CRK: variants seen among roughly 807,000 people sequenced by gnomAD.
The protein encoded by CRK is adapter molecule crk.
In CRK, 4 loss-of-function variants were observed where a neutral mutation model predicts 29.8. The observed-to-expected ratio is 0.13, with a 90% CI of 0.07 to 0.31. The LOEUF is 0.31. CRK is among the 10% of genes least tolerant of loss of function. The pLI, the probability that CRK is intolerant of heterozygous loss-of-function variation, is 1.00. For synonymous variants in CRK, 153 were observed against 164.9 expected, an observed-to-expected ratio of 0.93 and a Z score of 0.55; for missense variants, 274 against 396.5, an observed-to-expected ratio of 0.69 and a Z score of 2.62.
Position 1,455,910 on chromosome 17 carries a change from G to A in CRK, c.208C>T (p.Pro70Ser), listed in dbSNP as rs2074053090. The part of the protein sequence containing the change: ...YIINSSGPRP[P>S]VPPSPAQPPP... Reference sequence around the variant, plus strand: ...GGCTGGGCGGGCGACGGTGGCACCGGCGGGCGCGGGCCGCTGCTGTTGATG... The same window carrying A: ...GGCTGGGCGGGCGACGGTGGCACCGACGGGCGCGGGCCGCTGCTGTTGATG... The change falls in exon 1 of 3, where the codon CCG becomes TCG. Residue 70 changes from proline (P) to serine (S), a missense_variant. Pro to Ser is a moderately conservative substitution (Grantham distance 74). This residue lies in a region of CRK where 135 missense variants were observed against 180.9 expected (regional missense o/e 0.75). Coordinates refer to ENST00000300574, the MANE Select transcript of CRK (RefSeq NM_016823.4). The A allele has an allele frequency of 1.9e-6, 3 of 1,573,910 alleles. No individual in the cohort carries two copies. Among genetic ancestry groups the A allele is most frequent in the Non-Finnish European group, 1.7e-6 (2 of 1,162,138 alleles).
At chr17:1,427,571 T>C (rs532886411) in intron 2 of CRK, among the ~76,000 whole-genome samples, 8 of 151,430 alleles carry the variant, frequency 5.3e-5, no homozygotes, top group Admixed American at 2.0e-4. Context: ...CCAGCCTGGG[T>C]AACAGAGCGA....
intron 1 of CRK, among the ~76,000 whole-genome samples, chr17:1,443,272 G>A (rs921394164): frequency 6.6e-6 from 1 of 152,108 alleles, no homozygotes; most frequent in African/African-American, 2.4e-5. Context: ...GTGAGCCACT[G>A]CACCCGGCCG....
At chr17:1,438,098 A>AT (rs1291204110) in intron 1 of CRK, among the ~76,000 whole-genome samples, 3 of 152,094 alleles carry the variant, frequency 2.0e-5, no homozygotes, top group Admixed American at 6.6e-5. Flanking sequence ...TCTAGAATGT[A>AT]TAATTCCGAA....
chr17:1,441,568 G>T (rs1465185790), intron 1 of CRK, among the ~76,000 whole-genome samples: 1 of 148,688 alleles, frequency 6.7e-6, no homozygotes, highest in African/African-American at 2.5e-5. Context: ...CTTGGCTCAC[G>T]GCAACCTCCA....
chr17:1,443,195 G>C (rs1199181781), intron 1 of CRK, among the ~76,000 whole-genome samples: 2 of 151,840 alleles, frequency 1.3e-5, no homozygotes, highest in Admixed American at 1.3e-4. Flanking sequence ...TGGCAAGGCT[G>C]GTCTCGAACT....
intron 2 of CRK, among the ~76,000 whole-genome samples, chr17:1,435,893 A>C (rs1236714399): frequency 7.9e-5 from 12 of 152,170 alleles, no homozygotes; most frequent in African/African-American, 2.9e-4. Context: ...GGAAGGAAGA[A>C]GAAAGGAAGG....
At chr17:1,433,789 G>A (rs1430713898) in intron 2 of CRK, among the ~76,000 whole-genome samples, 4 of 148,952 alleles carry the variant, frequency 2.7e-5, no homozygotes, top group African/African-American at 7.4e-5. Context: ...AAAGTGCTGA[G>A]ATTACAGGCG....
chr17:1,420,760 T>C lies in CRK; in HGVS notation c.*2753A>G, dbSNP rs982805936. ...TTATTTACTACATATACTATAAACA[T>C]ATACAATACATGCTACCAAAAAAAA... On this transcript the variant is annotated 3_prime_UTR_variant, in exon 3 of 3. Transcript: ENST00000300574. The C allele has an allele frequency of 1.3e-5, 2 of 152,064 alleles. No homozygotes were observed. Among genetic ancestry groups the C allele is most frequent in the African/African-American group, 4.8e-5 (2 of 41,410 alleles). The allele number at this position is 152,064 out of a possible 1,614,324, so 9.4% of individuals were successfully genotyped here. A position where few individuals can be genotyped will look rare whatever the true frequency, so the allele number is the denominator to read the frequency against.
intron 1 of CRK, among the ~76,000 whole-genome samples, chr17:1,455,479 G>A (rs1442605974): frequency 2.0e-5 from 3 of 152,164 alleles, no homozygotes; most frequent in Non-Finnish European, 2.9e-5. Flanking sequence ...CAGCCTAAAA[G>A]CCACTTGTAG....
chr17:1,434,188 C>G (rs1379138376), intron 2 of CRK, among the ~76,000 whole-genome samples: 1 of 152,114 alleles, frequency 6.6e-6, no homozygotes, highest in Non-Finnish European at 1.5e-5. Context: ...GGCCCATCGA[C>G]AGTCTTTCAA....
chr17:1,454,181 G>T (rs531480177), intron 1 of CRK, among the ~76,000 whole-genome samples: 1 of 148,396 alleles, frequency 6.7e-6, no homozygotes, highest in East Asian at 2.0e-4. Flanking sequence ...CAGCCTGGGC[G>T]ACAGAGAGAC....
intron 1 of CRK, among the ~76,000 whole-genome samples, chr17:1,454,476 A>AC (rs2074041757): frequency 1.3e-5 from 2 of 152,302 alleles, no homozygotes; most frequent in Admixed American, 1.3e-4. Context: ...AGATTGCGCC[A>AC]CTGTGCTCCA....
At chr17:1,448,231 G>C (rs942880407) in intron 1 of CRK, among the ~76,000 whole-genome samples, 1 of 152,066 alleles carries the variant, frequency 6.6e-6, no homozygotes, top group Non-Finnish European at 1.5e-5. Flanking sequence ...GGTGCATTGT[G>C]GCTCTCATTT....
rs1391733136 is a variant in CRK at position 1,422,014 on chromosome 17, G to C, written c.*1499C>G. The C allele has an allele frequency of 2.0e-5, 3 of 151,844 alleles. 1 individual carries two copies. The highest frequency in any genetic ancestry group is 7.3e-5 in the African/African-American group (3 of 41,344). The allele number at this position is 151,844 out of a possible 1,614,324, so 9.4% of individuals were successfully genotyped here. ...ATATAAATCATTCCATACTTAAATG[G>C]GTTTGTAAACTAAACCTGAACATAA... On this transcript the variant is annotated 3_prime_UTR_variant, in exon 3 of 3. Transcript: ENST00000300574.
In CRK at chr17:1,454,465, G is replaced by A. The variant is rs140275994; in HGVS notation, c.241+1412C>T. 2.0e-3 allele frequency among the ~76,000 whole-genome samples: 297 copies of A among 152,262 alleles called. 3 individuals are homozygous for A. Among genetic ancestry groups the A allele is most frequent in the African/African-American group, 7.1e-3 (293 of 41,556 alleles). ...TGAGACAGGAGAATCGCCGTGAGCC[G>A]AGATTGCGCCACTGTGCTCCAGCGT... On this transcript the variant is annotated intron_variant, in intron 1 of 2. Transcript: ENST00000300574.
chr17:1,428,298 T>C (rs1024520794), intron 2 of CRK, among the ~76,000 whole-genome samples: 7 of 150,814 alleles, frequency 4.6e-5, no homozygotes, highest in African/African-American at 1.7e-4. Flanking sequence ...TTTGTATTTT[T>C]AGTAGAGATG....
chr17:1,428,265 C>A lies in CRK; in HGVS notation c.778-4615G>T, dbSNP rs955913189. On this transcript the variant is annotated intron_variant, in intron 2 of 2. Coordinates refer to ENST00000300574, the MANE Select transcript of CRK (RefSeq NM_016823.4). ...TCCAGAGTAGCTGGGACTACAGGCG[C>A]CCGCCACCACGCCCAGCTGATTTTT... is the stretch of plus-strand genomic sequence containing the variant. Among the ~76,000 whole-genome samples the A allele has an allele frequency of 3.5e-5, 5 of 143,296 alleles. 1 individual carries two copies. The highest frequency in any genetic ancestry group is 1.3e-4 in the African/African-American group (5 of 38,710). 94.0% of individuals were successfully genotyped at this position (143,296 alleles called of 152,430 possible). A position where few individuals can be genotyped will look rare whatever the true frequency, so the allele number is the denominator to read the frequency against.
chr17:1,452,878 G>A (rs2074028408), intron 1 of CRK, among the ~76,000 whole-genome samples: 1 of 151,622 alleles, frequency 6.6e-6, no homozygotes, highest in Non-Finnish European at 1.5e-5. Context: ...CCTGAAGCAT[G>A]AAGTCTATTG....
At chr17:1,453,460 T>C (rs1005594294) in intron 1 of CRK, among the ~76,000 whole-genome samples, 2 of 152,178 alleles carry the variant, frequency 1.3e-5, no homozygotes, top group Non-Finnish European at 2.9e-5. Flanking sequence ...AAACCCCAGA[T>C]ACTATGCAGG....
Sources: allele counts gnomAD v4.1 joint callset (sites outside exome capture counted in the v4.1 genomes callset), GRCh38; gene constraint gnomAD v4.1.1; regional missense constraint gnomAD v4.1.1; transcripts MANE v1.5; gene names NCBI Gene and HGNC (gene_info 2026-07-23, HGNC 2026-07-21).